RASGRF2: variants seen among roughly 807,000 people sequenced by gnomAD.
RASGRF2 encodes Ras protein specific guanine nucleotide releasing factor 2, also known as ras-specific guanine nucleotide-releasing factor 2.
In RASGRF2, 76 loss-of-function variants were observed where a neutral mutation model predicts 151.0. The ratio of observed to expected loss-of-function variants is 0.50; its 90% confidence interval spans 0.42 to 0.61. The LOEUF is 0.61. Among genes scored for constraint, RASGRF2 ranks in the 20% least tolerant of loss-of-function variants. The pLI is 0.00. For missense variants in RASGRF2, 1,148 were observed against 1,564.6 expected (o/e 0.73, Z 4.49); for synonymous variants, 504 against 566.5 (o/e 0.89, Z 1.57).
intron 1 of RASGRF2, among the ~76,000 whole-genome samples, chr5:80,979,280 C>T (rs1748225206): frequency 6.6e-6 from 1 of 152,096 alleles, no homozygotes; most frequent in Non-Finnish European, 1.5e-5. Context: ...AATGAAAGTA[C>T]AATCTGTGAA....
At chr5:81,138,075 C>G (rs1753798103) in intron 17 of RASGRF2, among the ~76,000 whole-genome samples, 1 of 152,170 alleles carries the variant, frequency 6.6e-6, no homozygotes, top group African/African-American at 2.4e-5. Context: ...TTGGGGCTCC[C>G]TAAGTACTCC....
At position 81,151,923 on chromosome 5, in the gene RASGRF2, A is replaced by G. The variant is rs146630923; in HGVS notation, c.2686+24760A>G. 2.6e-3 allele frequency among the ~76,000 whole-genome samples: 389 copies of G among 152,158 alleles called. 7 individuals are homozygous for G. Among genetic ancestry groups the G allele is most frequent in the Non-Finnish European group, 7.4e-4 (50 of 68,006 alleles). Reference sequence around the variant, plus strand: ...ACACAATGATTATAATGCTTTATTCATTTATGTTGCAGTACTGGGTTTTTC... The same window carrying G: ...ACACAATGATTATAATGCTTTATTCGTTTATGTTGCAGTACTGGGTTTTTC... On this transcript the variant is annotated intron_variant, in intron 17 of 26. Coordinates refer to ENST00000265080, the MANE Select transcript of RASGRF2 (RefSeq NM_006909.3).
At chr5:81,119,416 T>G (rs761908296) in intron 15 of RASGRF2, among the ~76,000 whole-genome samples, 16 of 152,216 alleles carry the variant, frequency 1.1e-4, no homozygotes, top group Non-Finnish European at 2.2e-4. Context: ...ATAAAGGCAT[T>G]CATTCATTCA....
chr5:81,058,454 C>A (rs1751301987), intron 2 of RASGRF2, among the ~76,000 whole-genome samples: 1 of 152,166 alleles, frequency 6.6e-6, no homozygotes, highest in African/African-American at 2.4e-5. Context: ...CTGGAGCAGA[C>A]ATCCATTTAC....
intron 1 of RASGRF2, among the ~76,000 whole-genome samples, chr5:80,980,012 A>G (rs1396672171): frequency 1.3e-5 from 2 of 152,120 alleles, no homozygotes; most frequent in African/African-American, 4.8e-5. Context: ...TTACCTACTC[A>G]TTTGGCAGTG....
chr5:81,181,798 C>T (rs1252699347), intron 18 of RASGRF2, among the ~76,000 whole-genome samples: 2 of 152,184 alleles, frequency 1.3e-5, no homozygotes, highest in African/African-American at 4.8e-5. Context: ...CCCCAGAGCC[C>T]TCCAGCCTTG....
intron 1 of RASGRF2, among the ~76,000 whole-genome samples, chr5:80,995,108 C>T (rs1057321798): frequency 6.6e-6 from 1 of 151,946 alleles, no homozygotes; most frequent in Non-Finnish European, 1.5e-5. Flanking sequence ...TACAAAAAAT[C>T]ACCCAGGCGC....
intron 5 of RASGRF2, among the ~76,000 whole-genome samples, chr5:81,078,532 A>G (rs1427972000): frequency 1.3e-5 from 2 of 152,216 alleles, no homozygotes; most frequent in Non-Finnish European, 2.9e-5. Flanking sequence ...TTCACTTAAC[A>G]TAATGTGAAG....
At chr5:81,018,940 C>CT (rs34667109) in intron 1 of RASGRF2, among the ~76,000 whole-genome samples, 15,936 of 151,804 alleles carry the variant, frequency 0.1, 1,049 homozygotes, top group African/African-American at 0.18. Context: ...GGAGCTGGGA[C>CT]TACAGGCGCC....
In RASGRF2 at chr5:81,044,425, A is replaced by C. The variant is rs551745009; in HGVS notation, c.395+1442A>C. Among the ~76,000 whole-genome samples, 302 of 152,068 alleles carry C rather than the reference A, an allele frequency of 2.0e-3. 2 individuals carry two copies. The highest frequency in any genetic ancestry group is 7.0e-3 in the African/African-American group (289 of 41,474). ...AGAGCAAGACTCCATCTAAAAAAAAACCACACACACAATGAGGTATTTATT... is the reference window on the plus strand; with the variant it reads ...AGAGCAAGACTCCATCTAAAAAAAACCCACACACACAATGAGGTATTTATT... On this transcript the variant is annotated intron_variant, in intron 2 of 26. Transcript: ENST00000265080.
At chr5:81,217,126 C>A in intron 24 of RASGRF2, 1 of 543,460 alleles carries the variant, frequency 1.8e-6, no homozygotes, top group Non-Finnish European at 3.1e-6. Flanking sequence ...TTTGAATATG[C>A]CATTTTTTTT....
chr5:81,082,462 G>A (rs1229043644), intron 7 of RASGRF2, among the ~76,000 whole-genome samples: 2 of 152,126 alleles, frequency 1.3e-5, no homozygotes, highest in African/African-American at 4.8e-5. Flanking sequence ...GAATCTTTAG[G>A]AGACCTGATG....
At position 81,217,353 on chromosome 5, in the gene RASGRF2, C is replaced by T. The variant is rs761088680; in HGVS notation, c.3435-3C>T. 2.3e-5 allele frequency: 37 copies of T among 1,597,866 alleles called. No individual in the cohort carries two copies. Among genetic ancestry groups the T allele is most frequent in the Non-Finnish European group, 3.0e-5 (35 of 1,174,902 alleles). ...CTCAGAACAGTGCCTCTTGGTCTTGCAGTTGTAACCCTCCTGCAGTTCCTT... is the reference window on the plus strand; with the variant it reads ...CTCAGAACAGTGCCTCTTGGTCTTGTAGTTGTAACCCTCCTGCAGTTCCTT... On this transcript the variant is annotated splice_region_variant and splice_polypyrimidine_tract_variant and intron_variant, in intron 24 of 26. Coordinates refer to ENST00000265080, the MANE Select transcript of RASGRF2 (RefSeq NM_006909.3).
intron 5 of RASGRF2, among the ~76,000 whole-genome samples, chr5:81,074,470 C>G (rs1210873375): frequency 6.6e-6 from 1 of 152,136 alleles, no homozygotes; most frequent in Non-Finnish European, 1.5e-5. Context: ...CTGTCTCTGT[C>G]CACCCGATTC....
intron 1 of RASGRF2, among the ~76,000 whole-genome samples, chr5:81,028,736 C>T (rs993294710): frequency 1.2e-4 from 19 of 152,148 alleles, no homozygotes; most frequent in East Asian, 1.9e-4. Context: ...CCAGGGTGAG[C>T]GACGCAGAAG....
chr5:81,129,886 G>A (rs908299028), intron 17 of RASGRF2, among the ~76,000 whole-genome samples: 2 of 152,198 alleles, frequency 1.3e-5, no homozygotes, highest in Non-Finnish European at 2.9e-5. Context: ...GTTTATTTGA[G>A]ATGAGCCCAT....
intron 13 of RASGRF2, among the ~76,000 whole-genome samples, chr5:81,110,427 T>C (rs1430089156): frequency 6.6e-6 from 1 of 152,234 alleles, no homozygotes; most frequent in South Asian, 2.1e-4. Flanking sequence ...TTTAATTTCT[T>C]TACTTAAAAT....
chr5:81,173,891 G>A (rs1335811848), intron 17 of RASGRF2, among the ~76,000 whole-genome samples: 1 of 152,182 alleles, frequency 6.6e-6, no homozygotes, highest in African/African-American at 2.4e-5. Flanking sequence ...ATCTCCCTTT[G>A]TTCACTCAGC....
chr5:81,127,314 A>G, intron 17 of RASGRF2, 151 bp downstream of exon 17: 1 of 787,308 alleles, frequency 1.3e-6, no homozygotes, highest in Non-Finnish European at 2.0e-6. Context: ...GCTTGAGACC[A>G]GTAGTTTGAG....
Sources: allele counts gnomAD v4.1 joint callset (sites outside exome capture counted in the v4.1 genomes callset), GRCh38; gene constraint gnomAD v4.1.1; transcripts MANE v1.5; gene names NCBI Gene and HGNC (gene_info 2026-07-23, HGNC 2026-07-21).